BRIP1: variants seen among roughly 807,000 people sequenced by gnomAD.
BRIP1 encodes the protein BRCA1 interacting DNA helicase 1, also known as Fanconi anemia group J protein.
A neutral mutation model predicts 119.7 loss-of-function variants in BRIP1; 88 were observed. The ratio of observed to expected loss-of-function variants is 0.74; its 90% CI spans 0.62 to 0.88. The LOEUF (loss-of-function observed/expected upper bound fraction) is 0.88. BRIP1 is among the 40% of genes least tolerant of loss of function. The probability of loss-of-function intolerance (pLI) is 0.00; values close to 1 mark genes in which losing one functional copy is unlikely to be tolerated. For synonymous variants in BRIP1, 443 were observed against 496.5 expected (o/e 0.89, Z 1.43); for missense variants, 1,259 against 1,455.4 (o/e 0.87, Z 2.20).
In BRIP1 at chr17:61,802,532, T is replaced by C. The variant is rs1053786564; in HGVS notation, c.919-1058A>G. 1.3e-5 allele frequency among the ~76,000 whole-genome samples: 2 copies of C among 152,154 alleles called. No homozygotes were observed. The highest frequency in any genetic ancestry group is 2.9e-5 in the Non-Finnish European group (2 of 68,012). ...AGGATTATTAACAATTCAGCCACAA[T>C]AAACAAAAATTTTTATAAAGCATAT... On this transcript the variant is annotated intron_variant, in intron 7 of 19. Coordinates refer to ENST00000259008, the MANE Select transcript of BRIP1 (RefSeq NM_032043.3). This position sits in a 1 kb window ranked among gnomAD's most constrained non-coding sequence, Gnocchi z 6.0.
rs748981650 is a variant in BRIP1 at position 61,716,037 on chromosome 17, G to A, written c.2406C>T (p.Asp802=). 8.7e-6 allele frequency: 14 copies of A among 1,604,990 alleles called. No homozygotes were observed. In the East Asian group the frequency reaches 2.5e-4, roughly 28 times the overall value. The change falls in exon 17 of 20, where the codon GAC becomes GAT. Residue 802 remains aspartate (D), a synonymous_variant. Coordinates refer to ENST00000259008, the MANE Select transcript of BRIP1 (RefSeq NM_032043.3). ...GAAGACCTCTCAATTTTGAATGGTG[G>A]TCATTGTATTGTCGTTTTAGTTCAA... ...LQVELKRQYN[D]HHSKLRGLLP...
rs564970429 is a variant in BRIP1, at chr17:61,734,247, GC to G, written c.2379+8765del. ...TTTGCTTTAGATATCCATTAAAAAG[GC>G]AGCCTTGTTATACTGTGATTTAATT... On this transcript the variant is annotated intron_variant, in intron 16 of 19. Coordinates refer to ENST00000259008, the MANE Select transcript of BRIP1 (RefSeq NM_032043.3). The surrounding 1 kb of genome is among the most constrained non-coding windows in gnomAD (Gnocchi z 5.2). Among the ~76,000 whole-genome samples, 495 of 152,226 alleles carry G rather than the reference GC, an allele frequency of 3.3e-3. No homozygotes were observed. The highest frequency in any genetic ancestry group is 5.6e-3 in the Non-Finnish European group (379 of 68,002).
intron 13 of BRIP1, among the ~76,000 whole-genome samples, chr17:61,777,002 T>C (rs2077544730): frequency 1.3e-5 from 2 of 152,202 alleles, no homozygotes; most frequent in East Asian, 1.9e-4. Context: ...CAAAAATTCA[T>C]TGGTGCTCAA....
intron 6 of BRIP1, among the ~76,000 whole-genome samples, chr17:61,812,655 T>G (rs1341586933): frequency 1.3e-5 from 2 of 151,198 alleles, no homozygotes; most frequent in African/African-American, 4.9e-5. Flanking sequence ...AATATTTCCA[T>G]GTGCAGTAGC....
At position 61,739,821 on chromosome 17, in the gene BRIP1, T is replaced by C. The variant is rs2076963820; in HGVS notation, c.2379+3192A>G. Among the ~76,000 whole-genome samples the C allele has an allele frequency of 1.3e-5, 2 of 152,156 alleles. No homozygotes were observed. Among genetic ancestry groups the C allele is most frequent in the African/African-American group, 4.8e-5 (2 of 41,438 alleles). Reference sequence around the variant, plus strand: ...AGCACTTTCAAATGCCTGTAGGAAGTAAAAGAAAATCCTCCTTGATGAACA... The same window carrying C: ...AGCACTTTCAAATGCCTGTAGGAAGCAAAAGAAAATCCTCCTTGATGAACA... On this transcript the variant is annotated intron_variant, in intron 16 of 19. Coordinates refer to ENST00000259008, the MANE Select transcript of BRIP1 (RefSeq NM_032043.3). This position sits in a 1 kb window ranked among gnomAD's most constrained non-coding sequence, Gnocchi z 6.0.
rs1191266894 is a variant in BRIP1 at position 61,807,943 on chromosome 17, T to C, written c.918+524A>G. Among the ~76,000 whole-genome samples, 1 of 152,164 alleles carries C rather than the reference T, an allele frequency of 6.6e-6. No individual in the cohort carries two copies. Among genetic ancestry groups the C allele is most frequent in the Non-Finnish European group, 1.5e-5 (1 of 68,010 alleles). ...AAATTTCAAAACCACCAATGACATC[T>C]TTTGAAAGTTAATAATTTAGTATAA... On this transcript the variant is annotated intron_variant, in intron 7 of 19. Coordinates refer to ENST00000259008, the MANE Select transcript of BRIP1 (RefSeq NM_032043.3). This position sits in a 1 kb window ranked among gnomAD's most constrained non-coding sequence, Gnocchi z 4.5.
In BRIP1 at chr17:61,679,437, G is replaced by A. The variant is rs1447847698; in HGVS notation, c.*3859C>T. Among the ~76,000 whole-genome samples the A allele has an allele frequency of 6.6e-6, 1 of 152,070 alleles. No homozygotes were observed. The highest frequency in any genetic ancestry group is 1.5e-5 in the Non-Finnish European group (1 of 68,002). On this transcript the variant is annotated 3_prime_UTR_variant, in exon 20 of 20. Transcript: ENST00000259008. This position sits in a 1 kb window ranked among gnomAD's most constrained non-coding sequence, Gnocchi z 4.4. ...AAGAATAAAGCCCTGTCTCTAACTG[G>A]TAGTTTTCCTGGTTTGCAGCCTGTG... is the stretch of plus-strand genomic sequence containing the variant.
At chr17:61,707,120 T>C (rs2061701582) in intron 17 of BRIP1, among the ~76,000 whole-genome samples, 1 of 152,166 alleles carries the variant, frequency 6.6e-6, no homozygotes, top group African/African-American at 2.4e-5. Context: ...TCCTTGTATG[T>C]TGAAGGCTTT....
intron 17 of BRIP1, among the ~76,000 whole-genome samples, chr17:61,696,711 C>T (rs1395900010): frequency 1.4e-5 from 2 of 147,220 alleles, no homozygotes; most frequent in African/African-American, 2.5e-5. Flanking sequence ...AAAGGCCAGG[C>T]GTGGTGGCTC....
intron 16 of BRIP1, among the ~76,000 whole-genome samples, chr17:61,732,227 C>T (rs1178098652): frequency 1.3e-5 from 2 of 151,972 alleles, no homozygotes; most frequent in East Asian, 3.9e-4. Context: ...AAGTGATCCA[C>T]CCACCTCGGC....
In BRIP1 at chr17:61,828,537, T is replaced by TA; in HGVS notation, c.627+18563dup. On this transcript the variant is annotated intron_variant, in intron 6 of 19. Transcript: ENST00000259008. The surrounding 1 kb of genome is among the most constrained non-coding windows in gnomAD (Gnocchi z 4.1). The stretch of plus-strand genomic sequence containing the variant: ...TTTACACTTAAAAACAGATAAATGG[T>TA]AAATTTTATGTTATATATATTTTAC... Among the ~76,000 whole-genome samples, 1 of 152,194 alleles carries TA rather than the reference T, an allele frequency of 6.6e-6. No homozygotes were observed. The highest frequency in any genetic ancestry group is 1.9e-4 in the East Asian group (1 of 5,184).
chr17:61,831,167 T>C lies in BRIP1; in HGVS notation c.627+15934A>G, dbSNP rs1209844499. On this transcript the variant is annotated intron_variant, in intron 6 of 19. Transcript: ENST00000259008. This position sits in a 1 kb window ranked among gnomAD's most constrained non-coding sequence, Gnocchi z 4.1. ...GACAGAACACCTAGCACAAATGTCA[T>C]ACAGAACAGTGAGGGACCAGAATGT... Among the ~76,000 whole-genome samples, 1 of 152,178 alleles carries C rather than the reference T, an allele frequency of 6.6e-6. No individual in the cohort carries two copies. The highest frequency in any genetic ancestry group is 6.5e-5 in the Admixed American group (1 of 15,274).
At position 61,704,909 on chromosome 17, in the gene BRIP1, C is replaced by T. The variant is rs2061669724; in HGVS notation, c.2492+11042G>A. ...GGTTTATCAATTTTATTGATCTTTT[C>T]AAAGAGTCTATTTTTTTCTGTTTTT... On this transcript the variant is annotated intron_variant, in intron 17 of 19. Transcript: ENST00000259008. This position sits in a 1 kb window ranked among gnomAD's most constrained non-coding sequence, Gnocchi z 5.7. Among the ~76,000 whole-genome samples, 1 of 151,606 alleles carries T rather than the reference C, an allele frequency of 6.6e-6. No individual in the cohort carries two copies. The highest frequency in any genetic ancestry group is 1.5e-5 in the Non-Finnish European group (1 of 67,882).
chr17:61,702,330 T>C (rs1053893787), intron 17 of BRIP1, among the ~76,000 whole-genome samples: 4 of 152,216 alleles, frequency 2.6e-5, no homozygotes, highest in African/African-American at 9.6e-5. Flanking sequence ...GCAGATTGCA[T>C]GTCATGGTGA....
At chr17:61,781,118 TC>T in intron 11 of BRIP1, 113 bp from the exon 12 acceptor site, 1 of 932,728 alleles carries the variant, frequency 1.1e-6, no homozygotes, top group East Asian at 2.6e-5. Context: ...GCTGGTACCT[TC>T]CCATTCAAAA....
chr17:61,719,235 A>C (rs1202377037), intron 16 of BRIP1, among the ~76,000 whole-genome samples: 3 of 148,356 alleles, frequency 2.0e-5, no homozygotes, highest in Non-Finnish European at 4.5e-5. Context: ...GAATCAACCT[A>C]GGTATCCAAC....
At chr17:61,702,165 C>T (rs2061624213) in intron 17 of BRIP1, among the ~76,000 whole-genome samples, 1 of 152,058 alleles carries the variant, frequency 6.6e-6, no homozygotes, top group Non-Finnish European at 1.5e-5. Context: ...CTTTGTTCTG[C>T]CATTTTTGAG....
At chr17:61,702,972 C>CTTTTTTTTT (rs61428664) in intron 17 of BRIP1, among the ~76,000 whole-genome samples, 1 of 125,214 alleles carries the variant, frequency 8.0e-6, no homozygotes. Flanking sequence ...AGCATCTGTT[C>CTTTTTTTTT]TTTTTTTTTT....
rs573925559 is a variant in BRIP1, at chr17:61,753,603, ATTTTTT to A, written c.2098-9018_2098-9013del. 7.0e-6 allele frequency among the ~76,000 whole-genome samples: 1 copy of A among 143,108 alleles called. No individual in the cohort carries two copies. Among genetic ancestry groups the A allele is most frequent in the Non-Finnish European group, 1.5e-5 (1 of 65,048 alleles). 93.9% of individuals were successfully genotyped at this position (143,108 alleles called of 152,430 possible). A position where few individuals can be genotyped will look rare whatever the true frequency, so the allele number is the denominator to read the frequency against. ...AGCAAGAAAATCTTATTTCCTCTCC[ATTTTTT>A]TTTTTTTTTAGAGATGGGATCTCAC... On this transcript the variant is annotated intron_variant, in intron 14 of 19. Coordinates refer to ENST00000259008, the MANE Select transcript of BRIP1 (RefSeq NM_032043.3). This position sits in a 1 kb window ranked among gnomAD's most constrained non-coding sequence, Gnocchi z 4.6.
Sources: gnomAD v4.1 joint callset for allele counts (sites outside exome capture counted in the v4.1 genomes callset) on GRCh38, gnomAD v4.1.1 for gene constraint, Gnocchi (gnomAD v3.1) non-coding constraint, MANE v1.5 for transcripts, NCBI Gene and HGNC (gene_info 2026-07-23, HGNC 2026-07-21) for gene names.